Variants in SLC9C2 observed in about 807,000 individuals in gnomAD.
SLC9C2 encodes sodium/hydrogen exchanger 11.
In SLC9C2, 75 loss-of-function variants were observed where a neutral mutation model predicts 140.2. The ratio of observed to expected loss-of-function variants is 0.53; its 90% confidence interval spans 0.44 to 0.65. SLC9C2 has a LOEUF of 0.65. Among genes scored for constraint, SLC9C2 ranks in the 30% least tolerant of loss-of-function variants. The probability of loss-of-function intolerance (pLI) is 0.00; values close to 1 mark genes in which losing one functional copy is unlikely to be tolerated. For synonymous variants in SLC9C2, 375 were observed against 420.9 expected, an observed-to-expected ratio of 0.89 and a Z score of 1.34; for missense variants, 1,074 against 1,331.8, an observed-to-expected ratio of 0.81 and a Z score of 3.01.
intron 4 of SLC9C2, among the ~76,000 whole-genome samples, chr1:173,595,264 G>A (rs1666379536): frequency 6.6e-6 from 1 of 151,800 alleles, no homozygotes; most frequent in Admixed American, 6.6e-5. Context: ...TTCTCTTTAT[G>A]TTCAATCATA....
intron 14 of SLC9C2, among the ~76,000 whole-genome samples, chr1:173,536,291 G>A (rs934196702): frequency 1.3e-5 from 2 of 152,144 alleles, no homozygotes; most frequent in Non-Finnish European, 2.9e-5. Context: ...CTTTATTCCA[G>A]GGACTGGTAA....
intron 4 of SLC9C2, among the ~76,000 whole-genome samples, chr1:173,594,779 T>C (rs1319021035): frequency 1.3e-5 from 2 of 152,226 alleles, no homozygotes; most frequent in Non-Finnish European, 2.9e-5. Context: ...ATTATTAAAA[T>C]TTAAGATTTT....
intron 1 of SLC9C2, among the ~76,000 whole-genome samples, chr1:173,602,199 T>C (rs1411716901): frequency 1.3e-5 from 2 of 152,214 alleles, no homozygotes; most frequent in Non-Finnish European, 2.9e-5. Context: ...GCACATAGCA[T>C]GTGGCACGAG....
At chr1:173,537,647 T>C (rs201244006) in intron 13 of SLC9C2, among the ~76,000 whole-genome samples, 4 of 151,990 alleles carry the variant, frequency 2.6e-5, no homozygotes, top group Admixed American at 2.6e-4. Flanking sequence ...TATACGCATA[T>C]TATATATACA....
At chr1:173,595,756 G>A (rs906299322) in intron 4 of SLC9C2, among the ~76,000 whole-genome samples, 5 of 152,054 alleles carry the variant, frequency 3.3e-5, no homozygotes, top group Admixed American at 2.6e-4. Context: ...GTGAGAAAAA[G>A]TCAAAATATA....
In SLC9C2 at chr1:173,511,029, CTTTTTTT is replaced by C. The variant is rs71111066; in HGVS notation, c.2908-1337_2908-1331del. Among the ~76,000 whole-genome samples, 216 of 86,742 alleles carry C rather than the reference CTTTTTTT, an allele frequency of 2.5e-3. 1 individual carries two copies. The highest frequency in any genetic ancestry group is 3.4e-3 in the Non-Finnish European group (172 of 50,594). The allele number at this position is 86,742 out of a possible 152,430, so 56.9% of individuals were successfully genotyped here. On this transcript the variant is annotated intron_variant, in intron 23 of 27. Transcript: ENST00000367714. ...CCTGGATTTTTTTTCCTTTCTTTTC[CTTTTTTT>C]TTTTTTTTTTTTTTTTTGAGACAGA...
At chr1:173,591,116 TGA>T (rs145589256) in intron 4 of SLC9C2, among the ~76,000 whole-genome samples, 49 of 152,246 alleles carry the variant, frequency 3.2e-4, no homozygotes, top group Middle Eastern at 3.4e-3. Context: ...CACTTGTAAG[TGA>T]GAGCATGCAG....
intron 10 of SLC9C2, among the ~76,000 whole-genome samples, chr1:173,555,810 A>T (rs1407065164): frequency 6.6e-6 from 1 of 152,182 alleles, no homozygotes; most frequent in Non-Finnish European, 1.5e-5. Context: ...TAGGAATATG[A>T]TACTCCATCA....
At chr1:173,566,111 A>G (rs919662477) in intron 9 of SLC9C2, among the ~76,000 whole-genome samples, 1 of 152,128 alleles carries the variant, frequency 6.6e-6, no homozygotes, top group African/African-American at 2.4e-5. Flanking sequence ...TTACATCAAT[A>G]TTCATGAGAG....
At chr1:173,595,531 T>C (rs535045042) in intron 4 of SLC9C2, among the ~76,000 whole-genome samples, 5 of 152,216 alleles carry the variant, frequency 3.3e-5, no homozygotes, top group African/African-American at 1.2e-4. Context: ...CATAAGCCTA[T>C]TGCCATACCA....
At chr1:173,584,561 C>CTTTTGTCTCTG (rs1665740127) in intron 5 of SLC9C2, among the ~76,000 whole-genome samples, 1 of 152,064 alleles carries the variant, frequency 6.6e-6, no homozygotes, top group Non-Finnish European at 1.5e-5. Context: ...CCTCTAAATA[C>CTTTTGTCTCTG]AATGTGACTT....
At chr1:173,602,498 G>A (rs368573299) in intron 1 of SLC9C2, among the ~76,000 whole-genome samples, 5 of 152,154 alleles carry the variant, frequency 3.3e-5, no homozygotes, top group African/African-American at 1.2e-4. Context: ...GCCTTTGAGT[G>A]AATTAGAAAA....
At chr1:173,570,783 C>G (rs1026002796) in intron 9 of SLC9C2, among the ~76,000 whole-genome samples, 7 of 152,164 alleles carry the variant, frequency 4.6e-5, no homozygotes, top group African/African-American at 1.7e-4. Context: ...GAGTTCAGCA[C>G]AGTTTTGCTT....
Position 173,576,987 on chromosome 1 carries a change from T to G in SLC9C2, c.803-227A>C, listed in dbSNP as rs143081417. Among the ~76,000 whole-genome samples the G allele has an allele frequency of 2.9e-3, 436 of 152,350 alleles. 3 individuals are homozygous for G. The highest frequency in any genetic ancestry group is 9.7e-3 in the African/African-American group (404 of 41,578). ...TGTTTGTGATGCATACAGCCTCTGT[T>G]ACAATGGTTCAACTCAGCTGTTGTA... On this transcript the variant is annotated intron_variant, in intron 7 of 27. Coordinates refer to ENST00000367714, the MANE Select transcript of SLC9C2 (RefSeq NM_178527.4).
At chr1:173,582,166 T>TA (rs199608521) in intron 6 of SLC9C2, among the ~76,000 whole-genome samples, 158 bp from the exon 7 acceptor site, 3,060 of 152,202 alleles carry the variant, frequency 0.02, 36 homozygotes, top group Middle Eastern at 0.058. Context: ...GAAAGTCTGG[T>TA]AAAAAAACCT....
At chr1:173,555,095 C>T (rs1026079586) in intron 10 of SLC9C2, among the ~76,000 whole-genome samples, 5 of 152,300 alleles carry the variant, frequency 3.3e-5, no homozygotes, top group Middle Eastern at 3.4e-3. Context: ...AGTTGCCACT[C>T]CTGGCAGCAG....
At chr1:173,517,412 G>C in intron 23 of SLC9C2, 125 bp downstream of exon 23, 1 of 872,600 alleles carries the variant, frequency 1.1e-6, no homozygotes, top group East Asian at 2.8e-5. Flanking sequence ...TGCCTTTTCA[G>C]CTATGTTACC....
chr1:173,526,730 A>G lies in SLC9C2; in HGVS notation c.2314-16T>C. 6.7e-7 allele frequency: 1 copy of G among 1,500,762 alleles called. No homozygotes were observed. Among genetic ancestry groups the G allele is most frequent in the East Asian group, 2.3e-5 (1 of 44,348 alleles). 93.0% of individuals were successfully genotyped at this position (1,500,762 alleles called of 1,614,324 possible). A position where few individuals can be genotyped will look rare whatever the true frequency, so the allele number is the denominator to read the frequency against. On this transcript the variant is annotated splice_polypyrimidine_tract_variant and intron_variant, in intron 18 of 27. Transcript: ENST00000367714. ...CACATAGTTTCTGTAAAAAATTAAGAAAAACATGTATTTCTTATTATTCAT... is the reference window on the plus strand; with the variant it reads ...CACATAGTTTCTGTAAAAAATTAAGGAAAACATGTATTTCTTATTATTCAT...
chr1:173,600,850 C>T (rs1666734634), intron 2 of SLC9C2, among the ~76,000 whole-genome samples: 1 of 152,206 alleles, frequency 6.6e-6, no homozygotes, highest in African/African-American at 2.4e-5. Flanking sequence ...AGCAATTTCA[C>T]TCTTTGATAC....
Sources: allele counts gnomAD v4.1 joint callset (sites outside exome capture counted in the v4.1 genomes callset), GRCh38; gene constraint gnomAD v4.1.1; transcripts MANE v1.5; gene names NCBI Gene and HGNC (gene_info 2026-07-23, HGNC 2026-07-21).